Variants in RANBP2 observed in about 807,000 individuals in gnomAD.
RANBP2 encodes E3 SUMO-protein ligase RanBP2.
A neutral mutation model predicts 303.6 loss-of-function variants in RANBP2; 57 were observed. That is an observed-to-expected ratio of 0.19 (90% confidence interval 0.15 to 0.23). The LOEUF (loss-of-function observed/expected upper bound fraction) is 0.23, where lower values mean the gene tolerates loss of function less well. RANBP2 is among the 10% of genes least tolerant of loss of function. The pLI is 1.00. For synonymous variants in RANBP2, 1,167 were observed against 1,301.5 expected (o/e 0.90, Z 2.23); for missense variants, 3,138 against 3,780.8 (o/e 0.83, Z 4.46).
In RANBP2 at chr2:108,781,154, T is replaced by G; in HGVS notation, c.8600-115T>G. The G allele has an allele frequency of 6.4e-6, 7 of 1,095,444 alleles. 1 individual carries two copies. In the South Asian group the frequency reaches 8.7e-5, roughly 14 times the overall value. 67.9% of individuals were successfully genotyped at this position (1,095,444 alleles called of 1,614,324 possible). ...CTAGAATAATATAATTTTAAACATT[T>G]AAAATTGATGTACATATTACATCAT... On this transcript the variant is annotated intron_variant, in intron 25 of 28. Transcript: ENST00000283195.
At chr2:109,435,584 C>T in the RANBP2 span, among the ~76,000 whole-genome samples, 74 of 152,260 alleles carry the variant, frequency 4.9e-4, no homozygotes, top group Middle Eastern at 3.4e-3. Flanking sequence ...TGGCTCTTCC[C>T]GTGAGGGCAC....
At chr2:108,920,936 T>A in the RANBP2 span, among the ~76,000 whole-genome samples, 1 of 152,002 alleles carries the variant, frequency 6.6e-6, no homozygotes, top group African/African-American at 2.4e-5. Flanking sequence ...AGATAACTCG[T>A]CTAACTCAGG....
At chr2:108,832,336 A>ATTTC in the RANBP2 span, among the ~76,000 whole-genome samples, 1 of 127,750 alleles carries the variant, frequency 7.8e-6, no homozygotes, top group African/African-American at 3.0e-5. Context: ...CAGAATTTGT[A>ATTTC]TTTCTTTCTT....
the RANBP2 span, among the ~76,000 whole-genome samples, chr2:109,422,306 C>T: frequency 6.6e-6 from 1 of 152,234 alleles, no homozygotes; most frequent in African/African-American, 2.4e-5. Flanking sequence ...GGAATGACTT[C>T]AGGAGACCTC....
At chr2:108,787,358 C>T (rs1253720106), downstream of RANBP2, among the ~76,000 whole-genome samples, 1 of 152,202 alleles carries the variant, frequency 6.6e-6, no homozygotes, top group Non-Finnish European at 1.5e-5. Flanking sequence ...ACCATTCGTT[C>T]TCTCCCCTTC....
At chr2:109,169,115 C>T in the RANBP2 span, among the ~76,000 whole-genome samples, 1 of 152,124 alleles carries the variant, frequency 6.6e-6, no homozygotes, top group Non-Finnish European at 1.5e-5. Flanking sequence ...AGCAGGATTG[C>T]TGGTAGATTT....
rs145452166 is a variant in RANBP2, at chr2:108,746,953, T to C, written c.1063+155T>C. 3.1e-3 allele frequency among the ~76,000 whole-genome samples: 475 copies of C among 152,360 alleles called. 4 individuals are homozygous for C. The highest frequency in any genetic ancestry group is 0.011 in the African/African-American group (463 of 41,586). On this transcript the variant is annotated intron_variant, in intron 8 of 28. Transcript: ENST00000283195. ...AAGAGCAATAGGTATGGAAGAGATG[T>C]GAAAAATAGCACATTCTTTAAAAAA...
chr2:108,886,180 T>C, the RANBP2 span, among the ~76,000 whole-genome samples: 2 of 152,194 alleles, frequency 1.3e-5, no homozygotes, highest in Non-Finnish European at 2.9e-5. Flanking sequence ...TTTTGAGAAA[T>C]CTTACTTTTC....
the RANBP2 span, among the ~76,000 whole-genome samples, chr2:108,981,390 T>C: frequency 6.6e-6 from 1 of 152,154 alleles, no homozygotes; most frequent in South Asian, 2.1e-4. Flanking sequence ...GAGGTTGAAG[T>C]TGTCTGGCGC....
the RANBP2 span, among the ~76,000 whole-genome samples, chr2:109,192,466 T>A: frequency 7.9e-5 from 12 of 152,256 alleles, no homozygotes; most frequent in African/African-American, 2.7e-4. Context: ...ATTAGAAATT[T>A]AATTTGTATT....
At chr2:109,435,262 C>T in the RANBP2 span, among the ~76,000 whole-genome samples, 1 of 152,316 alleles carries the variant, frequency 6.6e-6, no homozygotes, top group Admixed American at 6.5e-5. Flanking sequence ...GGAAATCTGG[C>T]CTCGGTCTTT....
chr2:109,045,129 G>C, the RANBP2 span, among the ~76,000 whole-genome samples: 1 of 152,056 alleles, frequency 6.6e-6, no homozygotes, highest in African/African-American at 2.4e-5. Flanking sequence ...CTAAGTGCAG[G>C]GACATCTGAG....
chr2:109,411,128 G>C, the RANBP2 span, among the ~76,000 whole-genome samples: 1 of 152,232 alleles, frequency 6.6e-6, no homozygotes, highest in South Asian at 2.1e-4. Flanking sequence ...CTGGAGGCAA[G>C]GAGCCCTCAA....
chr2:108,752,285 C>T (rs1573771209), intron 12 of RANBP2, among the ~76,000 whole-genome samples: 1 of 151,682 alleles, frequency 6.6e-6, no homozygotes, highest in African/African-American at 2.4e-5. Context: ...TAGCACAAGG[C>T]TTTGTAGGTA....
the RANBP2 span, among the ~76,000 whole-genome samples, chr2:109,287,710 C>G: frequency 6.6e-6 from 1 of 152,200 alleles, no homozygotes; most frequent in Admixed American, 6.5e-5. Context: ...CAGATCTCAT[C>G]AGAGGCCCTC....
the RANBP2 span, among the ~76,000 whole-genome samples, chr2:109,021,889 T>C: frequency 6.6e-6 from 1 of 152,136 alleles, no homozygotes; most frequent in African/African-American, 2.4e-5. Context: ...GCACGATTTT[T>C]CACCTTCCAC....
At chr2:109,193,574 T>C in the RANBP2 span, among the ~76,000 whole-genome samples, 10 of 152,226 alleles carry the variant, frequency 6.6e-5, no homozygotes. Flanking sequence ...CCATGTGGTA[T>C]GTGCCATTCA....
chr2:109,306,560 A>T, the RANBP2 span, among the ~76,000 whole-genome samples: 2 of 152,198 alleles, frequency 1.3e-5, no homozygotes, highest in Non-Finnish European at 2.9e-5. Context: ...CTGACCGTAC[A>T]GTGGCTGGTG....
At chr2:109,673,885 C>T in the RANBP2 span, among the ~76,000 whole-genome samples, 2 of 152,050 alleles carry the variant, frequency 1.3e-5, no homozygotes, top group Admixed American at 1.3e-4. Flanking sequence ...GGTTTTTTCC[C>T]CCTTCATTTT....
Sources: gnomAD v4.1 joint callset for allele counts (sites outside exome capture counted in the v4.1 genomes callset) on GRCh38, gnomAD v4.1.1 for gene constraint, MANE v1.5 for transcripts, NCBI Gene and HGNC (gene_info 2026-07-23, HGNC 2026-07-21) for gene names.